The following FAM53B variants were observed in gnomAD, a reference collection of about 807,000 sequenced individuals.
FAM53B encodes family with sequence similarity 53 member B, also known as protein FAM53B.
Under a neutral mutation model 32.7 loss-of-function variants are expected in FAM53B, and 12 were observed. The observed-to-expected ratio is 0.37, with a 90% confidence interval of 0.24 to 0.59. The LOEUF is 0.59. Among genes scored for constraint, FAM53B ranks in the 20% least tolerant of loss-of-function variants. The probability of loss-of-function intolerance (pLI) is 0.72; values close to 1 mark genes in which losing one functional copy is unlikely to be tolerated. For missense variants in FAM53B, 477 were observed against 577.7 expected (o/e 0.83, Z 1.79); for synonymous variants, 234 against 228.7 (o/e 1.02, Z -0.21).
intron 4 of FAM53B, among the ~76,000 whole-genome samples, chr10:124,652,220 T>C (rs923407481): frequency 4.6e-5 from 7 of 152,218 alleles, no homozygotes; most frequent in Admixed American, 4.6e-4. Context: ...AATTCCCAAC[T>C]GTTTCTACTC....
In FAM53B at chr10:124,741,050, A is replaced by G. The variant is rs551710210; in HGVS notation, c.-175+2963T>C. ...GGGATTCTCCCCTAAAGTTAAATCA[A>G]AACACCACTGGGGTTTGCAAGGACT... On this transcript the variant is annotated intron_variant, in intron 1 of 4. Coordinates refer to ENST00000337318, the MANE Select transcript of FAM53B (RefSeq NM_014661.4). 5.3e-5 allele frequency among the ~76,000 whole-genome samples: 8 copies of G among 152,360 alleles called. No homozygotes were observed. In the South Asian group the frequency reaches 1.7e-3, roughly 32 times the overall value.
chr10:124,669,626 G>A (rs1361492992), intron 4 of FAM53B, among the ~76,000 whole-genome samples: 2 of 152,204 alleles, frequency 1.3e-5, no homozygotes, highest in African/African-American at 4.8e-5. Flanking sequence ...CTACCTGACC[G>A]TCAGGGAACC....
At chr10:124,740,985 C>T (rs1480535066) in intron 1 of FAM53B, among the ~76,000 whole-genome samples, 1 of 152,192 alleles carries the variant, frequency 6.6e-6, no homozygotes, top group Non-Finnish European at 1.5e-5. Flanking sequence ...TGCAGCAAAG[C>T]AGAAGCTGAG....
chr10:124,648,974 T>C (rs1410294162), intron 4 of FAM53B, among the ~76,000 whole-genome samples: 2 of 152,200 alleles, frequency 1.3e-5, no homozygotes, highest in African/African-American at 2.4e-5. Flanking sequence ...ATGAGAGCTG[T>C]ATCCTACTGA....
chr10:124,672,319 C>T (rs1487242652), intron 4 of FAM53B, among the ~76,000 whole-genome samples: 2 of 152,244 alleles, frequency 1.3e-5, no homozygotes, highest in African/African-American at 4.8e-5. Flanking sequence ...CTCAACAGCC[C>T]GCAGGCACCA....
At chr10:124,729,510 C>G (rs1222638171) in intron 1 of FAM53B, among the ~76,000 whole-genome samples, 1 of 152,208 alleles carries the variant, frequency 6.6e-6, no homozygotes, top group African/African-American at 2.4e-5. Flanking sequence ...TGGTTTTCTT[C>G]TTTTTTCACT....
At chr10:124,661,498 A>T (rs1949631164) in intron 4 of FAM53B, among the ~76,000 whole-genome samples, 1 of 152,200 alleles carries the variant, frequency 6.6e-6, no homozygotes, top group East Asian at 1.9e-4. Context: ...CACCTGGAAT[A>T]AAAGCTGCGC....
intron 3 of FAM53B, among the ~76,000 whole-genome samples, chr10:124,690,067 A>G (rs547535477): frequency 6.6e-6 from 1 of 152,364 alleles, no homozygotes; most frequent in East Asian, 1.9e-4. Flanking sequence ...AGCAAGTGAA[A>G]CGGGCAGCTG....
chr10:124,635,025 C>A (rs1291926844), intron 4 of FAM53B, among the ~76,000 whole-genome samples: 1 of 152,044 alleles, frequency 6.6e-6, no homozygotes, highest in Admixed American at 6.6e-5. Flanking sequence ...ATATCACAGG[C>A]AAAAATTAAT....
intron 1 of FAM53B, among the ~76,000 whole-genome samples, chr10:124,724,998 A>G (rs530866318): frequency 1.3e-5 from 2 of 152,242 alleles, no homozygotes; most frequent in African/African-American, 2.4e-5. Flanking sequence ...GAAACGCTCC[A>G]TTCAAAGCCA....
At chr10:124,665,985 G>C (rs10901802) in intron 4 of FAM53B, among the ~76,000 whole-genome samples, 61,765 of 152,150 alleles carry the variant, frequency 0.41, 13,848 homozygotes, top group Non-Finnish European at 0.51. Context: ...GTAAGGATGG[G>C]GTCTTGTACA....
Position 124,623,811 on chromosome 10 carries a change from C to T in FAM53B, c.907-207G>A, listed in dbSNP as rs751070362. On this transcript the variant is annotated intron_variant, in intron 4 of 4. Transcript: ENST00000337318. Reference sequence around the variant, plus strand: ...AATGAGCGCTCTGTGCTCATAAAGACACGCGCAATTCCACTATTCACCTAC... The same window carrying T: ...AATGAGCGCTCTGTGCTCATAAAGATACGCGCAATTCCACTATTCACCTAC... The T allele has an allele frequency of 2.2e-4, 120 of 555,976 alleles. 1 individual carries two copies. Among genetic ancestry groups the T allele is most frequent in the Middle Eastern group, 1.9e-3 (4 of 2,140 alleles). The allele number at this position is 555,976 out of a possible 1,614,324, so 34.4% of individuals were successfully genotyped here. A position where few individuals can be genotyped will look rare whatever the true frequency, so the allele number is the denominator to read the frequency against.
chr10:124,623,535 A>G lies in FAM53B; in HGVS notation c.976T>C (p.Phe326Leu). 1 of 1,559,934 alleles carries G rather than the reference A, an allele frequency of 6.4e-7. No homozygotes were observed. The highest frequency in any genetic ancestry group is 1.2e-5 in the South Asian group (1 of 85,192). The change falls in exon 5 of 5, where the codon TTC (phenylalanine) becomes CTC (leucine). Residue 326 changes from phenylalanine (F) to leucine (L), a missense_variant. By Grantham distance (22) the Phe-to-Leu change is conservative (BLOSUM62 0). This residue lies in a region of FAM53B where 165 missense variants were observed against 157.5 expected (regional missense o/e 1.05). Transcript: ENST00000337318. ...CTGGTGTTGCTGACGTGGCGGGCGA[A>G]GGGGCTCTGGGGACCGCAGTCCTCT... ...GTEDCGPQSP[F>L]ARHVSNTRAW... is the part of the protein sequence containing the mutation.
intron 1 of FAM53B, chr10:124,742,722 C>G (rs1950206509): frequency 6.6e-6 from 1 of 152,286 alleles, no homozygotes; most frequent in Non-Finnish European, 1.5e-5. Flanking sequence ...GTTGAACAAC[C>G]GTCAGCCTGG....
chr10:124,661,692 G>A (rs1949632267), intron 4 of FAM53B, among the ~76,000 whole-genome samples: 1 of 152,224 alleles, frequency 6.6e-6, no homozygotes, highest in African/African-American at 2.4e-5. Context: ...GCACGAGGGG[G>A]TTCCTTCAAC....
rs2134102990 is a variant in FAM53B at position 124,733,355 on chromosome 10, G to A, written c.-175+10658C>T. ...GGCGGTGGAGGCCTCAGGCGCACTG[G>A]CCGCCAAGAGTCAGGTGACTCAGGC... is the stretch of plus-strand genomic sequence containing the variant. On this transcript the variant is annotated intron_variant, in intron 1 of 4. Coordinates refer to ENST00000337318, the MANE Select transcript of FAM53B (RefSeq NM_014661.4). The surrounding 1 kb of genome is among the most constrained non-coding windows in gnomAD (Gnocchi z 4.3). Among the ~76,000 whole-genome samples the A allele has an allele frequency of 6.6e-6, 1 of 152,224 alleles. No homozygotes were observed.
intron 1 of FAM53B, among the ~76,000 whole-genome samples, chr10:124,719,731 C>T (rs895248958): frequency 3.9e-5 from 6 of 152,106 alleles, no homozygotes; most frequent in African/African-American, 1.4e-4. Context: ...ACTCTAAAGC[C>T]AGGCCTCTGA....
At chr10:124,726,581 T>C (rs1950105329) in intron 1 of FAM53B, among the ~76,000 whole-genome samples, 1 of 152,194 alleles carries the variant, frequency 6.6e-6, no homozygotes, top group East Asian at 1.9e-4. Context: ...GCAAACCATT[T>C]GGAATGACAC....
intron 1 of FAM53B, among the ~76,000 whole-genome samples, chr10:124,743,442 GC>G (rs151194882): frequency 0.038 from 5,760 of 152,200 alleles, 150 homozygotes; most frequent in South Asian, 0.1. Flanking sequence ...GGGACAGAAT[GC>G]CCCCTCACCC....
Sources: gnomAD v4.1 joint callset for allele counts (sites outside exome capture counted in the v4.1 genomes callset) on GRCh38, gnomAD v4.1.1 for gene constraint, gnomAD v4.1.1 regional missense constraint, Gnocchi (gnomAD v3.1) non-coding constraint, MANE v1.5 for transcripts, NCBI Gene and HGNC (gene_info 2026-07-23, HGNC 2026-07-21) for gene names.